The following KLF8 variants were observed in gnomAD, a reference collection of about 807,000 sequenced individuals.
KLF8 encodes the protein Krueppel-like factor 8.
KLF8 carries 10 observed loss-of-function variants against 18.2 expected under a neutral mutation model. That is an observed-to-expected ratio of 0.55 (90% confidence interval 0.34 to 0.93). The LOEUF (loss-of-function observed/expected upper bound fraction) is 0.93, where lower values mean the gene tolerates loss of function less well. Ranked by LOEUF, KLF8 falls within the 40% of genes least tolerant of loss-of-function variation. The pLI, the probability that KLF8 is intolerant of heterozygous loss-of-function variation, is 0.02. For synonymous variants in KLF8, 109 were observed against 97.3 expected (o/e 1.12, Z -0.71); for missense variants, 264 against 277.9 (o/e 0.95, Z 0.36).
the KLF8 span, among the ~76,000 whole-genome samples, chrX:55,982,386 A>G: frequency 9.0e-6 from 1 of 111,504 alleles, no homozygotes; most frequent in South Asian, 3.8e-4. Flanking sequence ...TCCTAAGACT[A>G]TCTTAAAACT....
At chrX:56,123,337 A>G in the KLF8 span, among the ~76,000 whole-genome samples, 4 of 111,903 alleles carry the variant, frequency 3.6e-5, no homozygotes. Context: ...AAAGTTACCG[A>G]TCTTAGTAGA....
intron 1 of KLF8, among the ~76,000 whole-genome samples, chrX:56,248,159 T>A (rs2066650995): frequency 9.1e-6 from 1 of 110,151 alleles, no homozygotes; most frequent in African/African-American, 3.3e-5. Context: ...GGGCCTGTCA[T>A]GGGGTGGGGG....
chrX:56,241,926 A>G (rs1304876577), intron 1 of KLF8, among the ~76,000 whole-genome samples: 1 of 112,370 alleles, frequency 8.9e-6, no homozygotes, highest in Non-Finnish European at 1.9e-5. Flanking sequence ...TGTTTTGTCA[A>G]TTGATTCTTA....
At chrX:56,204,277 T>C in the KLF8 span, among the ~76,000 whole-genome samples, 1 of 111,675 alleles carries the variant, frequency 9.0e-6, no homozygotes, top group African/African-American at 3.3e-5. Context: ...TTTAGTATAC[T>C]GCAAATTTAC....
the KLF8 span, among the ~76,000 whole-genome samples, chrX:56,081,724 A>T: frequency 0.034 from 3,778 of 111,421 alleles, 185 homozygotes; most frequent in African/African-American, 0.12. Flanking sequence ...CAATGCACTA[A>T]TTTTTCCTGA....
chrX:56,230,706 C>T (rs771443488), upstream of KLF8, among the ~76,000 whole-genome samples: 1 of 111,539 alleles, frequency 9.0e-6, no homozygotes, highest in South Asian at 3.8e-4. Context: ...AGGCTTACAA[C>T]AGAGTTTAGT....
the KLF8 span, among the ~76,000 whole-genome samples, chrX:56,131,642 TA>T: frequency 9.0e-6 from 1 of 111,704 alleles, no homozygotes. Flanking sequence ...ATCTCAATAC[TA>T]AAGTTGAATG....
the KLF8 span, among the ~76,000 whole-genome samples, chrX:55,942,594 A>G: frequency 1.8e-5 from 2 of 112,094 alleles, no homozygotes; most frequent in Admixed American, 1.9e-4. Context: ...GGTCACTATT[A>G]CAATGAAAAT....
chrX:56,257,928 T>G (rs2066821668), intron 2 of KLF8, among the ~76,000 whole-genome samples: 1 of 112,356 alleles, frequency 8.9e-6, no homozygotes, highest in South Asian at 3.7e-4. Context: ...CCTTGAGAAA[T>G]CTAGGAGTCA....
chrX:56,126,524 C>T, the KLF8 span, among the ~76,000 whole-genome samples: 1 of 110,987 alleles, frequency 9.0e-6, no homozygotes, highest in South Asian at 3.8e-4. Context: ...CAGTGGCTTC[C>T]CATATTATTC....
chrX:56,286,131 ATT>A lies in KLF8; in HGVS notation c.*1638_*1639del, dbSNP rs1158605827. On this transcript the variant is annotated 3_prime_UTR_variant, in exon 6 of 6. Transcript: ENST00000468660. ...TGAGCCCTTATACACCTGCACGCTT[ATT>A]CTCCTGGGGATCACATAATTTTATT... is the stretch of plus-strand genomic sequence containing the variant. 9.0e-6 allele frequency: 1 copy of A among 110,516 alleles called. No individual in the cohort carries two copies. The highest frequency in any genetic ancestry group is 2.8e-4 in the East Asian group (1 of 3,534). The allele number at this position is 110,516 out of a possible 1,213,427, so 9.1% of individuals were successfully genotyped here.
At chrX:56,079,562 G>C in the KLF8 span, among the ~76,000 whole-genome samples, 2 of 111,337 alleles carry the variant, frequency 1.8e-5, no homozygotes, top group East Asian at 5.6e-4. Context: ...TTACTTCCCA[G>C]TATGTGGTCA....
At chrX:55,920,408 C>T in the KLF8 span, among the ~76,000 whole-genome samples, 1 of 111,444 alleles carries the variant, frequency 9.0e-6, no homozygotes, top group Non-Finnish European at 1.9e-5. Context: ...AGCAATGGAT[C>T]CAAACCATGA....
At chrX:56,180,345 G>A in the KLF8 span, among the ~76,000 whole-genome samples, 2 of 110,970 alleles carry the variant, frequency 1.8e-5, no homozygotes, top group African/African-American at 6.5e-5. Context: ...ATTTTTTGTT[G>A]CATCTGTTTG....
chrX:56,181,182 C>G, the KLF8 span, among the ~76,000 whole-genome samples: 3 of 111,673 alleles, frequency 2.7e-5, no homozygotes, highest in Admixed American at 9.5e-5. Flanking sequence ...ATAGTTAGCT[C>G]TTCTTGTTGA....
At chrX:55,910,178 G>A in the KLF8 span, among the ~76,000 whole-genome samples, 1 of 111,558 alleles carries the variant, frequency 9.0e-6, no homozygotes, top group Non-Finnish European at 1.9e-5. Flanking sequence ...GACAGAGCAA[G>A]GTATTGACAC....
the KLF8 span, among the ~76,000 whole-genome samples, chrX:56,124,108 T>C: frequency 1.8e-5 from 2 of 111,797 alleles, no homozygotes; most frequent in Non-Finnish European, 3.8e-5. Context: ...TGATTAATGG[T>C]AACTCAGAAA....
At chrX:56,033,063 A>G in the KLF8 span, among the ~76,000 whole-genome samples, 6 of 111,536 alleles carry the variant, frequency 5.4e-5, no homozygotes, top group Non-Finnish European at 9.4e-5. Context: ...CATATGATAT[A>G]GATATATAAT....
the KLF8 span, among the ~76,000 whole-genome samples, chrX:56,106,288 A>T: frequency 4.2e-4 from 47 of 111,803 alleles, 1 homozygote; most frequent in East Asian, 8.2e-3. Flanking sequence ...GGAAGTTCTG[A>T]TGGATAATAT....
Sources: gnomAD v4.1 joint callset for allele counts (sites outside exome capture counted in the v4.1 genomes callset) on GRCh38, gnomAD v4.1.1 for gene constraint, MANE v1.5 for transcripts, NCBI Gene and HGNC (gene_info 2026-07-23, HGNC 2026-07-21) for gene names.